TENM2: variants seen among roughly 807,000 people sequenced by gnomAD.
TENM2 encodes teneurin transmembrane protein 2.
In TENM2, 52 loss-of-function variants were observed where a neutral mutation model predicts 245.2. That is an observed-to-expected ratio of 0.21 (90% CI 0.17 to 0.27). The LOEUF (loss-of-function observed/expected upper bound fraction) is 0.27. TENM2 is among the 10% of genes least tolerant of loss of function. The pLI, the probability that TENM2 is intolerant of heterozygous loss-of-function variation, is 1.00. For synonymous variants in TENM2, 1,363 were observed against 1,438.9 expected, an observed-to-expected ratio of 0.95 and a Z score of 1.19; for missense variants, 3,046 against 3,666.8, an observed-to-expected ratio of 0.83 and a Z score of 4.37.
intron 1 of TENM2, among the ~76,000 whole-genome samples, chr5:167,314,488 G>A (rs1447344859): frequency 2.0e-5 from 3 of 152,072 alleles, no homozygotes; most frequent in Admixed American, 1.3e-4. Context: ...ATTAAAAATA[G>A]GGCATTAAAG....
chr5:167,898,075 TATAGC>T (rs1775373736), intron 3 of TENM2, among the ~76,000 whole-genome samples: 1 of 152,096 alleles, frequency 6.6e-6, no homozygotes, highest in Non-Finnish European at 1.5e-5. Flanking sequence ...AGCCCTTTGC[TATAGC>T]ATTGCTTAGG....
chr5:167,481,565 A>G (rs145747423), intron 2 of TENM2, among the ~76,000 whole-genome samples: 3 of 152,218 alleles, frequency 2.0e-5, no homozygotes, highest in Admixed American at 2.0e-4. Context: ...GCACACTATA[A>G]ATCACAGTGA....
chr5:166,992,763 A>C, the TENM2 span, among the ~76,000 whole-genome samples: 141 of 152,250 alleles, frequency 9.3e-4, no homozygotes, highest in Admixed American at 3.9e-3. Context: ...TTTGGGAAGA[A>C]ATTTTGAAGA....
intron 3 of TENM2, among the ~76,000 whole-genome samples, chr5:167,951,827 CACAT>C (rs547893735): frequency 2.6e-5 from 4 of 151,290 alleles, no homozygotes; most frequent in East Asian, 1.9e-4. Flanking sequence ...CATATATACA[CACAT>C]ACATACGCAA....
chr5:167,604,857 G>A (rs172137), intron 2 of TENM2, among the ~76,000 whole-genome samples: 80,528 of 152,074 alleles, frequency 0.53, 23,668 homozygotes, highest in Middle Eastern at 0.67. Flanking sequence ...ACCATGAATG[G>A]AGTCTGTCAA....
chr5:167,891,096 G>A (rs570998398), intron 3 of TENM2, among the ~76,000 whole-genome samples: 1 of 152,034 alleles, frequency 6.6e-6, no homozygotes, highest in East Asian at 1.9e-4. Flanking sequence ...GTAGGACTTG[G>A]TCTACCTATT....
At chr5:167,427,672 AG>A (rs1422106532) in intron 2 of TENM2, among the ~76,000 whole-genome samples, 6 of 76,808 alleles carry the variant, frequency 7.8e-5, no homozygotes, top group South Asian at 5.7e-4. Context: ...AAGGAAGGGA[AG>A]GAAGGAAGGA....
intron 13 of TENM2, chr5:168,186,296 T>C (rs1000378457): frequency 2.0e-5 from 3 of 152,190 alleles, no homozygotes; most frequent in South Asian, 2.1e-4. Flanking sequence ...AGAACTGTTA[T>C]GGAAGAATCT....
At chr5:167,119,508 G>A in the TENM2 span, 1 of 152,268 alleles carries the variant, frequency 6.6e-6, no homozygotes. Context: ...CAAAGTGCCA[G>A]GAGGTTCAGT....
intron 3 of TENM2, among the ~76,000 whole-genome samples, chr5:167,939,695 T>C (rs1779017901): frequency 6.6e-6 from 1 of 152,172 alleles, no homozygotes. Flanking sequence ...ATCCAAAAAG[T>C]CTTCCTGAAA....
the TENM2 span, among the ~76,000 whole-genome samples, chr5:167,191,685 C>T: frequency 2.0e-5 from 3 of 151,922 alleles, no homozygotes; most frequent in Non-Finnish European, 2.9e-5. Flanking sequence ...TAGGATACCA[C>T]TGCATGAGAC....
At chr5:167,992,325 TAATGA>T (rs1193024893) in intron 4 of TENM2, among the ~76,000 whole-genome samples, 1 of 152,090 alleles carries the variant, frequency 6.6e-6, no homozygotes, top group Non-Finnish European at 1.5e-5. Context: ...TTTTAAAAAA[TAATGA>T]AATGAAATCG....
chr5:168,215,187 G>A, exon 21 of TENM2: 1 of 1,613,970 alleles, frequency 6.2e-7, no homozygotes, highest in Admixed American at 1.7e-5. Flanking sequence ...TTGTGGCAGG[G>A]ACGGGAGAGC....
intron 2 of TENM2, among the ~76,000 whole-genome samples, chr5:167,494,846 A>G (rs1172386582): frequency 6.6e-6 from 1 of 152,126 alleles, no homozygotes; most frequent in Non-Finnish European, 1.5e-5. Flanking sequence ...AAACACTAGG[A>G]TAAGAAAAAC....
Position 167,855,824 on chromosome 5 carries a change from AG to A in TENM2, c.503-20159del, listed in dbSNP as rs1771027975. Among the ~76,000 whole-genome samples the A allele has an allele frequency of 5.1e-4, 17 of 33,650 alleles. No homozygotes were observed. In the South Asian group the frequency reaches 0.022, roughly 43 times the overall value. 22.1% of individuals were successfully genotyped at this position (33,650 alleles called of 152,430 possible). Reference sequence around the variant, plus strand: ...AAAGGAGGGAGGGAAGAAGGAAGGAAGGGAGGGAGAGAGGGAGGGAGGGAAG... The same window carrying A: ...AAAGGAGGGAGGGAAGAAGGAAGGAAGGAGGGAGAGAGGGAGGGAGGGAAG... On this transcript the variant is annotated intron_variant, in intron 2 of 28. Transcript: ENST00000518659.
At chr5:167,542,777 A>G (rs1772299726) in intron 2 of TENM2, among the ~76,000 whole-genome samples, 1 of 152,138 alleles carries the variant, frequency 6.6e-6, no homozygotes, top group Admixed American at 6.6e-5. Flanking sequence ...GAAATTCGGA[A>G]GATTTTATAA....
chr5:167,881,832 G>A (rs1329958173), intron 3 of TENM2, among the ~76,000 whole-genome samples: 2 of 152,118 alleles, frequency 1.3e-5, no homozygotes, highest in African/African-American at 2.4e-5. Flanking sequence ...ACAGGACTTG[G>A]GCTATCAGCT....
At chr5:167,194,287 C>T in the TENM2 span, among the ~76,000 whole-genome samples, 707 of 152,106 alleles carry the variant, frequency 4.6e-3, 7 homozygotes, top group African/African-American at 0.015. Flanking sequence ...AACCCTTCAA[C>T]TAATCAAAAA....
intron 2 of TENM2, among the ~76,000 whole-genome samples, chr5:167,662,749 A>T (rs113385402): frequency 4.6e-5 from 7 of 152,196 alleles, no homozygotes; most frequent in African/African-American, 1.4e-4. Flanking sequence ...ACCTTTCTGA[A>T]CCGTTCCTTT....
Sources: gnomAD v4.1 joint callset for allele counts (sites outside exome capture counted in the v4.1 genomes callset) on GRCh38, gnomAD v4.1.1 for gene constraint, MANE v1.5 for transcripts, NCBI Gene and HGNC (gene_info 2026-07-23, HGNC 2026-07-21) for gene names.